Variants in SPAG16 observed in about 807,000 individuals in gnomAD.
SPAG16 encodes sperm associated antigen 16, also known as sperm-associated antigen 16 protein.
A neutral mutation model predicts 80.4 loss-of-function variants in SPAG16; 86 were observed. The observed-to-expected ratio is 1.07, with a 90% CI of 0.90 to 1.28. The LOEUF (loss-of-function observed/expected upper bound fraction) is 1.28, where lower values mean the gene tolerates loss of function less well. SPAG16 is among the 50% of genes most tolerant of loss of function. The probability of loss-of-function intolerance (pLI) is 0.00; values close to 1 mark genes in which losing one functional copy is unlikely to be tolerated. For missense variants in SPAG16, 870 were observed against 765.3 expected (o/e 1.14, Z -1.61); for synonymous variants, 294 against 265.9 (o/e 1.11, Z -1.03).
intron 10 of SPAG16, among the ~76,000 whole-genome samples, chr2:213,609,458 T>C (rs1229733945): frequency 2.0e-5 from 3 of 152,208 alleles, no homozygotes; most frequent in South Asian, 2.1e-4. Context: ...CGTGGTCTTT[T>C]AAATTTATTT....
chr2:213,862,394 A>G, intron 10 of SPAG16, 91 bp from the exon 11 acceptor site: 5 of 1,511,758 alleles, frequency 3.3e-6, no homozygotes, highest in Non-Finnish European at 2.7e-6. Context: ...GCCTTGCTAA[A>G]ATCGGATAAT....
At chr2:213,720,868 C>T (rs977082659) in intron 10 of SPAG16, among the ~76,000 whole-genome samples, 7 of 150,064 alleles carry the variant, frequency 4.7e-5, no homozygotes, top group Non-Finnish European at 1.0e-4. Flanking sequence ...GCCTCAGTCT[C>T]CCAGTTAGCT....
At chr2:214,291,552 G>A (rs548277624) in intron 15 of SPAG16, among the ~76,000 whole-genome samples, 4 of 151,792 alleles carry the variant, frequency 2.6e-5, no homozygotes, top group East Asian at 1.9e-4. Context: ...TGATCCGCCC[G>A]CCTCGGCCTC....
rs1316374399 is a variant in SPAG16, at chr2:214,253,710, C to T, written c.1720+104444C>T. 9.2e-5 allele frequency among the ~76,000 whole-genome samples: 14 copies of T among 151,940 alleles called. No individual in the cohort carries two copies. The East Asian group carries it at 1.7e-3, about 19-fold the overall frequency. On this transcript the variant is annotated intron_variant, in intron 15 of 15. Coordinates refer to ENST00000331683, the MANE Select transcript of SPAG16 (RefSeq NM_024532.5). ...CGTGCTGTTTTGGTTGCTGTACACT[C>T]ATAGTATAGTTTGAAGTCAGGTAGA...
chr2:213,995,325 A>G (rs1285477835), intron 12 of SPAG16, among the ~76,000 whole-genome samples: 1 of 152,218 alleles, frequency 6.6e-6, no homozygotes, highest in Non-Finnish European at 1.5e-5. Context: ...GGGGCTCAGG[A>G]AAAGCAGATT....
chr2:213,941,217 A>G (rs1319860722), intron 12 of SPAG16, among the ~76,000 whole-genome samples: 1 of 152,240 alleles, frequency 6.6e-6, no homozygotes. Context: ...AAAATATTCT[A>G]TGTCTTCAAT....
chr2:214,050,606 A>G (rs2125130822), intron 13 of SPAG16, among the ~76,000 whole-genome samples: 1 of 152,290 alleles, frequency 6.6e-6, no homozygotes, highest in East Asian at 1.9e-4. Flanking sequence ...AAAGCAATGT[A>G]TGTACTCCAT....
chr2:213,303,232 C>A (rs1322368747), intron 3 of SPAG16, among the ~76,000 whole-genome samples: 1 of 151,744 alleles, frequency 6.6e-6, no homozygotes, highest in South Asian at 2.1e-4. Context: ...TTTTAATAAT[C>A]TTTGGAAGAA....
At chr2:214,170,250 A>ATACATATACACACACACTTAGGTGTGCG (rs1559101463) in intron 15 of SPAG16, among the ~76,000 whole-genome samples, 32 of 99,936 alleles carry the variant, frequency 3.2e-4, no homozygotes, top group African/African-American at 7.2e-4. Context: ...TTAGGTGTGT[A>ATACATATACACACACACTTAGGTGTGCG]TACATATACA....
chr2:214,011,632 G>C (rs115114968), intron 12 of SPAG16, among the ~76,000 whole-genome samples: 1 of 152,148 alleles, frequency 6.6e-6, no homozygotes, highest in Admixed American at 6.5e-5. Flanking sequence ...GTCGTGGTTT[G>C]TTGACCCCTG....
chr2:214,157,480 G>A (rs2056265782), intron 15 of SPAG16, among the ~76,000 whole-genome samples: 2 of 152,000 alleles, frequency 1.3e-5, no homozygotes, highest in Non-Finnish European at 1.5e-5. Context: ...TTATCTGCCA[G>A]CAAGTATGGA....
At chr2:214,209,274 A>G (rs1475240402) in intron 15 of SPAG16, among the ~76,000 whole-genome samples, 1 of 152,108 alleles carries the variant, frequency 6.6e-6, no homozygotes, top group Non-Finnish European at 1.5e-5. Flanking sequence ...AGGAAGAAGG[A>G]TCAGAAACTC....
At chr2:213,368,489 CT>C (rs2066446144) in intron 8 of SPAG16, among the ~76,000 whole-genome samples, 1 of 152,280 alleles carries the variant, frequency 6.6e-6, no homozygotes, top group Admixed American at 6.5e-5. Flanking sequence ...GAAGCATTCC[CT>C]TTGAAAACTG....
intron 13 of SPAG16, among the ~76,000 whole-genome samples, chr2:214,102,189 G>C (rs1048389820): frequency 7.0e-6 from 1 of 142,992 alleles, no homozygotes; most frequent in African/African-American, 2.6e-5. Context: ...TAACTGTATC[G>C]TATCTTACCA....
chr2:213,444,144 C>G (rs2071155576), intron 9 of SPAG16, among the ~76,000 whole-genome samples: 1 of 152,156 alleles, frequency 6.6e-6, no homozygotes, highest in South Asian at 2.1e-4. Flanking sequence ...TTTCTGTTTT[C>G]AGAGTCAGGT....
At chr2:214,281,000 G>T in intron 15 of SPAG16, 1 of 423,546 alleles carries the variant, frequency 2.4e-6, no homozygotes, top group Non-Finnish European at 4.6e-6. Flanking sequence ...GGTACTGTAA[G>T]GGATAGACAA....
At chr2:213,865,308 T>A (rs189912352) in intron 11 of SPAG16, among the ~76,000 whole-genome samples, 1 of 152,000 alleles carries the variant, frequency 6.6e-6, no homozygotes. Context: ...TAAAAGGAAG[T>A]GATATGAAAT....
At chr2:213,691,950 A>G (rs2064961082) in intron 10 of SPAG16, among the ~76,000 whole-genome samples, 1 of 152,206 alleles carries the variant, frequency 6.6e-6, no homozygotes, top group Non-Finnish European at 1.5e-5. Flanking sequence ...GACTCATTCA[A>G]AAGATGATCA....
In SPAG16 at chr2:214,330,054, G is replaced by A. The variant is rs1481550259; in HGVS notation, c.1721-80086G>A. On this transcript the variant is annotated intron_variant, in intron 15 of 15. Transcript: ENST00000331683. ...GGCCATGGCAGGTGGATCACCTGAG[G>A]TCAGGAGTTCAAGACCAACCTGGCC... 4.6e-5 allele frequency among the ~76,000 whole-genome samples: 7 copies of A among 151,558 alleles called. No individual in the cohort carries two copies. The South Asian group carries it at 1.3e-3, about 27-fold the overall frequency.
Sources: gnomAD v4.1 joint callset for allele counts (sites outside exome capture counted in the v4.1 genomes callset) on GRCh38, gnomAD v4.1.1 for gene constraint, MANE v1.5 for transcripts, NCBI Gene and HGNC (gene_info 2026-07-23, HGNC 2026-07-21) for gene names.